EPS8: variants seen among roughly 807,000 people sequenced by gnomAD.
EPS8 encodes epidermal growth factor receptor kinase substrate 8.
Under a neutral mutation model 103.8 loss-of-function variants are expected in EPS8, and 42 were observed. The ratio of observed to expected loss-of-function variants is 0.40; its 90% CI spans 0.32 to 0.52. The LOEUF (loss-of-function observed/expected upper bound fraction) is 0.52. Among genes scored for constraint, EPS8 ranks in the 20% least tolerant of loss-of-function variants. The pLI is 0.40. For synonymous variants in EPS8, 344 were observed against 344.6 expected (o/e 1.00, Z 0.02); for missense variants, 969 against 1,005.1 (o/e 0.96, Z 0.49).
intron 1 of EPS8, chr12:15,712,782 C>T (rs1946483824): frequency 2.7e-6 from 2 of 750,994 alleles, no homozygotes; most frequent in African/African-American, 3.8e-5. Context: ...CTACAAATAC[C>T]CTTTATAATA....
chr12:15,675,777 A>C (rs1246566352), intron 3 of EPS8, among the ~76,000 whole-genome samples: 2 of 152,228 alleles, frequency 1.3e-5, no homozygotes, highest in Admixed American at 1.3e-4. Context: ...GACTTTAAGC[A>C]GTTGGTAATT....
intron 14 of EPS8, among the ~76,000 whole-genome samples, chr12:15,647,991 A>G (rs996256703): frequency 6.6e-6 from 1 of 152,230 alleles, no homozygotes; most frequent in Non-Finnish European, 1.5e-5. Context: ...GAAGCGTGCA[A>G]CCTAGATCCC....
At chr12:15,739,419 G>T (rs768745066) in intron 1 of EPS8, among the ~76,000 whole-genome samples, 1 of 152,180 alleles carries the variant, frequency 6.6e-6, no homozygotes, top group Admixed American at 6.5e-5. Context: ...AGAGATTGGC[G>T]TGTGAGTCGG....
intron 1 of EPS8, among the ~76,000 whole-genome samples, chr12:15,732,009 A>C (rs1449712322): frequency 6.6e-6 from 1 of 152,186 alleles, no homozygotes; most frequent in East Asian, 1.9e-4. Context: ...ACTGGCTACT[A>C]CTTAAATAAC....
At chr12:15,737,172 C>T (rs1301570153) in intron 1 of EPS8, among the ~76,000 whole-genome samples, 5 of 151,970 alleles carry the variant, frequency 3.3e-5, no homozygotes, top group African/African-American at 1.2e-4. Context: ...GTAGAAAATA[C>T]CACCATAAAT....
rs1354652340 is a variant in EPS8 at position 15,781,418 on chromosome 12, C to A, written c.-22+7743G>T. 3.9e-5 allele frequency among the ~76,000 whole-genome samples: 6 copies of A among 152,172 alleles called. No homozygotes were observed. The East Asian group carries it at 7.7e-4, about 20-fold the overall frequency. The stretch of plus-strand genomic sequence containing the variant: ...TTTGGAGTCAGGTCAGGGTTCTCAT[C>A]CCAATTCGGTCCCTTTCTCCCCATG... On this transcript the variant is annotated intron_variant, in intron 1 of 20. Transcript: ENST00000281172. The surrounding 1 kb of genome is among the most constrained non-coding windows in gnomAD (Gnocchi z 4.1).
At chr12:15,681,786 C>T (rs1299356067) in intron 2 of EPS8, among the ~76,000 whole-genome samples, 1 of 149,790 alleles carries the variant, frequency 6.7e-6, no homozygotes, top group Non-Finnish European at 1.5e-5. Flanking sequence ...CACCTGTAAT[C>T]CCAGCTATGC....
intron 1 of EPS8, among the ~76,000 whole-genome samples, chr12:15,691,468 A>ATATATATTTATATATAT (rs1946170740): frequency 6.6e-6 from 1 of 152,198 alleles, no homozygotes; most frequent in African/African-American, 2.4e-5. Context: ...GATCATTTAT[A>ATATATATTTATATATAT]GTACAATGTG....
In EPS8 at chr12:15,735,826, C is replaced by G. The variant is rs11056616; in HGVS notation, c.-21-52854G>C. On this transcript the variant is annotated intron_variant, in intron 1 of 20. Coordinates refer to ENST00000281172, the MANE Select transcript of EPS8 (RefSeq NM_004447.6). The surrounding 1 kb of genome is among the most constrained non-coding windows in gnomAD (Gnocchi z 4.4). ...AAATATTTAAACAATCCATAATTGG[C>G]AATATTTTTAAAAACTTATATAGAA... Among the ~76,000 whole-genome samples the G allele has an allele frequency of 0.054, 8,195 of 152,052 alleles. 687 individuals carry two copies. Among genetic ancestry groups the G allele is most frequent in the African/African-American group, 0.18 (7,516 of 41,432 alleles).
At chr12:15,622,330 G>A (rs1218342533) in intron 20 of EPS8, among the ~76,000 whole-genome samples, 1 of 152,084 alleles carries the variant, frequency 6.6e-6, no homozygotes, top group Non-Finnish European at 1.5e-5. Flanking sequence ...AAACCTCCAA[G>A]GGAAATATGG....
At chr12:15,660,859 CAAGTTT>C in intron 9 of EPS8, 119 bp from the exon 10 acceptor site, 1 of 590,872 alleles carries the variant, frequency 1.7e-6, no homozygotes, top group South Asian at 2.2e-5. Flanking sequence ...ATGCCAATTT[CAAGTTT>C]ATTACTAATT....
rs987432691 is a variant in EPS8 at position 15,769,703 on chromosome 12, T to C, written c.-22+19458A>G. Among the ~76,000 whole-genome samples the C allele has an allele frequency of 3.9e-5, 6 of 152,232 alleles. No individual in the cohort carries two copies. The highest frequency in any genetic ancestry group is 1.4e-4 in the African/African-American group (6 of 41,464). On this transcript the variant is annotated intron_variant, in intron 1 of 20. Coordinates refer to ENST00000281172, the MANE Select transcript of EPS8 (RefSeq NM_004447.6). This position sits in a 1 kb window ranked among gnomAD's most constrained non-coding sequence, Gnocchi z 4.6. ...TTTCTCCCCAAACAATGAACATCTCTATATAGTAACTCTATTTTCAGTCTT... is the reference window on the plus strand; with the variant it reads ...TTTCTCCCCAAACAATGAACATCTCCATATAGTAACTCTATTTTCAGTCTT...
In EPS8 at chr12:15,706,735, GT is replaced by G. The variant is rs776800393; in HGVS notation, c.-21-23764del. ...GAATTTTCTGTTCTTTATATTTTAT[GT>G]TTTTTTTTACAACTTATCCAAAGAT... On this transcript the variant is annotated intron_variant, in intron 1 of 20. Transcript: ENST00000281172. This position sits in a 1 kb window ranked among gnomAD's most constrained non-coding sequence, Gnocchi z 5.2. 1.9e-4 allele frequency among the ~76,000 whole-genome samples: 28 copies of G among 150,718 alleles called. No individual in the cohort carries two copies. Among genetic ancestry groups the G allele is most frequent in the East Asian group, 3.9e-4 (2 of 5,112 alleles).
chr12:15,670,806 A>G (rs1360804370), intron 4 of EPS8, 50 bp downstream of exon 4: 2 of 1,242,796 alleles, frequency 1.6e-6, no homozygotes, highest in African/African-American at 1.5e-5. Context: ...TCCAATTTTT[A>G]TGTTCCTCAA....
intron 1 of EPS8, among the ~76,000 whole-genome samples, chr12:15,699,433 A>G (rs1946284105): frequency 6.6e-6 from 1 of 152,246 alleles, no homozygotes; most frequent in African/African-American, 2.4e-5. Flanking sequence ...AAAAGCACAC[A>G]CAGATCATTT....
In EPS8 at chr12:15,666,374, C is replaced by T. The variant is rs995345918; in HGVS notation, c.599+66G>A. ...CTTCCATAGAAAATAATTTTTCTAA[C>T]TCTTTGGGGAAAAAAGCCTTAGAAA... On this transcript the variant is annotated intron_variant, in intron 7 of 20. Transcript: ENST00000281172. 5 of 1,216,904 alleles carry T rather than the reference C, an allele frequency of 4.1e-6. No individual in the cohort carries two copies. The African/African-American group carries it at 7.5e-5, about 18-fold the overall frequency. 75.4% of individuals were successfully genotyped at this position (1,216,904 alleles called of 1,614,324 possible).
chr12:15,682,856 C>T (rs759812917), intron 2 of EPS8, 37 bp downstream of exon 2: 6 of 1,087,182 alleles, frequency 5.5e-6, no homozygotes, highest in East Asian at 4.9e-5. Flanking sequence ...AAATCAAATT[C>T]CCCCAAAACA....
rs1565473577 is a variant in EPS8 at position 15,640,963 on chromosome 12, A to G, written c.1678-117T>C. 10 of 791,142 alleles carry G rather than the reference A, an allele frequency of 1.3e-5. No individual in the cohort carries two copies. In the East Asian group the frequency reaches 2.0e-4, roughly 16 times the overall value. 49.0% of individuals were successfully genotyped at this position (791,142 alleles called of 1,614,324 possible). ...ACTTCTGATAATTAACTCAGCATCA[A>G]CATAGTGTTGATTGAATGATTCTCA... On this transcript the variant is annotated intron_variant, in intron 16 of 20. Coordinates refer to ENST00000281172, the MANE Select transcript of EPS8 (RefSeq NM_004447.6).
At chr12:15,668,294 A>G (rs1591837432) in intron 6 of EPS8, among the ~76,000 whole-genome samples, 1 of 152,250 alleles carries the variant, frequency 6.6e-6, no homozygotes, top group East Asian at 1.9e-4. Flanking sequence ...TACAGTTTAC[A>G]GTCAATCTTA....
Sources: allele counts gnomAD v4.1 joint callset (sites outside exome capture counted in the v4.1 genomes callset), GRCh38; gene constraint gnomAD v4.1.1; non-coding constraint Gnocchi (gnomAD v3.1); transcripts MANE v1.5; gene names NCBI Gene and HGNC (gene_info 2026-07-23, HGNC 2026-07-21).